HNRNPUL2: variants seen among roughly 807,000 people sequenced by gnomAD.
The protein encoded by HNRNPUL2 is heterogeneous nuclear ribonucleoprotein U like 2, also known as heterogeneous nuclear ribonucleoprotein U-like protein 2.
Under a neutral mutation model 102.2 loss-of-function variants are expected in HNRNPUL2, and 27 were observed. The observed-to-expected ratio is 0.26, with a 90% confidence interval of 0.19 to 0.36. The LOEUF (loss-of-function observed/expected upper bound fraction) is 0.36. Among genes scored for constraint, HNRNPUL2 ranks in the 10% least tolerant of loss-of-function variants. The probability of loss-of-function intolerance (pLI) is 1.00; values close to 1 mark genes in which losing one functional copy is unlikely to be tolerated. For synonymous variants in HNRNPUL2, 458 were observed against 387.2 expected, an observed-to-expected ratio of 1.18 and a Z score of -2.15; for missense variants, 936 against 981.1, an observed-to-expected ratio of 0.95 and a Z score of 0.61.
chr11:62,719,436 G>A (rs890653431), intron 10 of HNRNPUL2, among the ~76,000 whole-genome samples: 1 of 152,186 alleles, frequency 6.6e-6, no homozygotes, highest in Non-Finnish European at 1.5e-5. Flanking sequence ...GGGCAACAGG[G>A]TGAGACTCTG....
In HNRNPUL2 at chr11:62,721,274, G is replaced by A. The variant is rs975872341; in HGVS notation, c.1611+21C>T. 4 of 1,593,972 alleles carry A rather than the reference G, an allele frequency of 2.5e-6. No individual in the cohort carries two copies. The South Asian group carries it at 3.5e-5, about 14-fold the overall frequency. Reference sequence around the variant, plus strand: ...TATACACATCCCACCTTGACTCTAGGCAATTTTATCAGATTAATACCTGAT... The same window carrying A: ...TATACACATCCCACCTTGACTCTAGACAATTTTATCAGATTAATACCTGAT... On this transcript the variant is annotated intron_variant, in intron 9 of 13. Transcript: ENST00000301785.
chr11:62,725,156 G>A (rs1471791036), intron 1 of HNRNPUL2, among the ~76,000 whole-genome samples: 1 of 152,154 alleles, frequency 6.6e-6, no homozygotes, highest in Non-Finnish European at 1.5e-5. Flanking sequence ...GCAACACTAG[G>A]AAGGTTTTTA....
intron 12 of HNRNPUL2, 46 bp from the exon 13 acceptor site, chr11:62,715,653 C>T: frequency 7.1e-7 from 1 of 1,407,072 alleles, no homozygotes; most frequent in Non-Finnish European, 1.0e-6. Flanking sequence ...GGGTTTTTGG[C>T]AGCATGACCC....
At chr11:62,723,539 G>A (rs1565163070) in intron 4 of HNRNPUL2, 48 bp downstream of exon 4, 2 of 1,516,630 alleles carry the variant, frequency 1.3e-6, no homozygotes, top group East Asian at 4.9e-5. Flanking sequence ...AGAACCGTAA[G>A]CATCCAGTAA....
At chr11:62,721,149 AGGG>A in intron 9 of HNRNPUL2, 143 bp downstream of exon 9, 1 of 685,918 alleles carries the variant, frequency 1.5e-6, no homozygotes, top group Non-Finnish European at 2.5e-6. Flanking sequence ...AACACTAATT[AGGG>A]GTACCTCTGA....
chr11:62,726,819 G>A lies in HNRNPUL2; in HGVS notation c.338C>T (p.Pro113Leu), dbSNP rs768322217. ...GGCCTCCATGGCTGCCGCCTCCGGG[G>A]GCTCCGGCGGCGGCTGCGCGGCCTG... is the stretch of plus-strand genomic sequence containing the variant. Reference protein sequence around the residue: ...LGQAAQPPPEPPEAAAMEAAA... With the variant: ...LGQAAQPPPELPEAAAMEAAA... Residue 113 changes from proline to leucine, a missense_variant, in exon 1 of 14, where the codon CCC becomes CTC. Coordinates refer to ENST00000301785, the MANE Select transcript of HNRNPUL2 (RefSeq NM_001079559.3). The A allele has an allele frequency of 8.2e-6, 13 of 1,592,100 alleles. No individual in the cohort carries two copies. The highest frequency in any genetic ancestry group is 1.1e-5 in the Non-Finnish European group (13 of 1,176,084).
At chr11:62,716,551 C>A (rs548036634) in intron 11 of HNRNPUL2, among the ~76,000 whole-genome samples, 2 of 152,098 alleles carry the variant, frequency 1.3e-5, no homozygotes, top group Admixed American at 6.6e-5. Context: ...TTCTTCCCCC[C>A]ACAAAAAACA....
chr11:62,721,729 G>T, intron 8 of HNRNPUL2, 91 bp downstream of exon 8: 1 of 1,406,016 alleles, frequency 7.1e-7, no homozygotes, highest in Non-Finnish European at 9.8e-7. Flanking sequence ...TGGGACCCTT[G>T]TTCTCAGACA....
In HNRNPUL2 at chr11:62,726,808, C is replaced by T. The variant is rs546294343; in HGVS notation, c.349G>A (p.Ala117Thr). The change falls in exon 1 of 14, where the codon GCA (alanine) becomes ACA (threonine). Residue 117 changes from alanine (A) to threonine (T), a missense_variant. This residue lies in a region of HNRNPUL2 where 327 missense variants were observed against 268.1 expected (regional missense o/e 1.22). Coordinates refer to ENST00000301785, the MANE Select transcript of HNRNPUL2 (RefSeq NM_001079559.3). Reference sequence around the variant, plus strand: ...GGCTCGGCCGCGGCCTCCATGGCTGCCGCCTCCGGGGGCTCCGGCGGCGGC... The same window carrying T: ...GGCTCGGCCGCGGCCTCCATGGCTGTCGCCTCCGGGGGCTCCGGCGGCGGC... ...AQPPPEPPEAAAMEAAAEPDA... is the reference protein window; with the variant it reads ...AQPPPEPPEATAMEAAAEPDA... 2.5e-6 allele frequency: 4 copies of T among 1,595,938 alleles called. No homozygotes were observed. In the East Asian group the frequency reaches 6.7e-5, roughly 27 times the overall value.
chr11:62,722,774 T>C (rs754034571), intron 5 of HNRNPUL2, 39 bp downstream of exon 5: 1 of 1,602,792 alleles, frequency 6.2e-7, no homozygotes, highest in Non-Finnish European at 8.5e-7. Flanking sequence ...AGCAATATGG[T>C]AGTAAACACT....
rs376882579 is a variant in HNRNPUL2, at chr11:62,726,962, G to C, written c.195C>G (p.Ala65=). 4.8e-6 allele frequency: 7 copies of C among 1,445,902 alleles called. No individual in the cohort carries two copies. In the African/African-American group the frequency reaches 6.0e-5, roughly 12 times the overall value. 89.6% of individuals were successfully genotyped at this position (1,445,902 alleles called of 1,614,324 possible). ...GACKAEPRPV[A]ASGGGPGGDE... is the part of the protein sequence containing the mutation. ...CCCCGCCCGGGCCGCCGCCCGACGCGGCCACAGGCCGAGGCTCCGCCTTGC... is the reference window on the plus strand; with the variant it reads ...CCCCGCCCGGGCCGCCGCCCGACGCCGCCACAGGCCGAGGCTCCGCCTTGC... Residue 65 remains alanine (A), a synonymous_variant, in exon 1 of 14, where the codon GCC becomes GCG. Transcript: ENST00000301785.
intron 13 of HNRNPUL2, 25 bp downstream of exon 13, chr11:62,715,475 G>T (rs372677904): frequency 1.9e-5 from 30 of 1,587,570 alleles, no homozygotes; most frequent in African/African-American, 2.7e-5. Context: ...CCTTCACCCT[G>T]TGTCTATCCC....
At chr11:62,719,586 A>G (rs2083685105) in intron 10 of HNRNPUL2, among the ~76,000 whole-genome samples, 1 of 152,238 alleles carries the variant, frequency 6.6e-6, no homozygotes, top group Admixed American at 6.5e-5. Flanking sequence ...GTGTCACTCC[A>G]GTTGCTAAGA....
At chr11:62,717,896 T>C (rs923344400) in intron 10 of HNRNPUL2, among the ~76,000 whole-genome samples, 6 of 152,224 alleles carry the variant, frequency 3.9e-5, no homozygotes, top group Admixed American at 6.5e-5. Context: ...CTGTCCGTGA[T>C]AGGCCAGCAC....
intron 1 of HNRNPUL2, among the ~76,000 whole-genome samples, chr11:62,724,804 T>C (rs1454231169): frequency 4.6e-5 from 7 of 152,264 alleles, no homozygotes; most frequent in African/African-American, 1.7e-4. Context: ...TTGTCAGATC[T>C]AGATTTAAGG....
At chr11:62,723,292 G>C (rs187937625) in intron 4 of HNRNPUL2, among the ~76,000 whole-genome samples, 1 of 152,210 alleles carries the variant, frequency 6.6e-6, no homozygotes, top group Non-Finnish European at 1.5e-5. Context: ...GGGAGTTCAA[G>C]ACCAGCCCGA....
intron 10 of HNRNPUL2, 119 bp from the exon 11 acceptor site, chr11:62,717,308 A>ATTTT: frequency 1.4e-6 from 1 of 724,722 alleles, no homozygotes. Flanking sequence ...CTGCACAAAA[A>ATTTT]TGTGCTACGT....
chr11:62,724,194 T>A (rs1590900470), intron 2 of HNRNPUL2, 97 bp downstream of exon 2: 2 of 1,503,134 alleles, frequency 1.3e-6, no homozygotes, highest in East Asian at 4.5e-5. Flanking sequence ...ACCTATTCCA[T>A]TTTGAATCCA....
intron 9 of HNRNPUL2, among the ~76,000 whole-genome samples, chr11:62,720,546 C>CAAAAAAA (rs148876571): frequency 7.6e-6 from 1 of 131,518 alleles, no homozygotes; most frequent in African/African-American, 3.2e-5. Flanking sequence ...GATTCCATCT[C>CAAAAAAA]AAAAAAAAAA....
Sources: allele counts gnomAD v4.1 joint callset (sites outside exome capture counted in the v4.1 genomes callset), GRCh38; gene constraint gnomAD v4.1.1; regional missense constraint gnomAD v4.1.1; transcripts MANE v1.5; gene names NCBI Gene and HGNC (gene_info 2026-07-23, HGNC 2026-07-21).